PHACTR2: variants seen among roughly 807,000 people sequenced by gnomAD.
PHACTR2 encodes the protein phosphatase and actin regulator 2, also known as chromosome 6 open reading frame 56.
A neutral mutation model predicts 76.0 loss-of-function variants in PHACTR2; 30 were observed. The observed-to-expected ratio is 0.39, with a 90% CI of 0.30 to 0.54. The LOEUF (loss-of-function observed/expected upper bound fraction) is 0.54. PHACTR2 is among the 20% of genes least tolerant of loss of function. The pLI is 0.61. For missense variants in PHACTR2, 696 were observed against 781.1 expected (o/e 0.89, Z 1.30); for synonymous variants, 292 against 292.5 (o/e 1.00, Z 0.02).
chr6:143,553,509 G>C lies in PHACTR2; in HGVS notation c.217+16302G>C, dbSNP rs1246722446. On this transcript the variant is annotated intron_variant, in intron 1 of 11. Coordinates refer to the PHACTR2 transcript ENST00000367584. The surrounding 1 kb of genome is among the most constrained non-coding windows in gnomAD (Gnocchi z 4.2). Reference sequence around the variant, plus strand: ...GGCTCCCACCCTCCCACAGAGGCTGGAGACAGGAGCCCCATCTTCAGATGT... The same window carrying C: ...GGCTCCCACCCTCCCACAGAGGCTGCAGACAGGAGCCCCATCTTCAGATGT... Among the ~76,000 whole-genome samples, 1 of 152,204 alleles carries C rather than the reference G, an allele frequency of 6.6e-6. No homozygotes were observed. Among genetic ancestry groups the C allele is most frequent in the African/African-American group, 2.4e-5 (1 of 41,450 alleles).
intron 11 of PHACTR2, among the ~76,000 whole-genome samples, chr6:143,796,167 T>C (rs1221878203): frequency 6.6e-6 from 1 of 152,226 alleles, no homozygotes; most frequent in Non-Finnish European, 1.5e-5. Flanking sequence ...AAGCTATTCT[T>C]TGCCCTGTTC....
chr6:143,622,820 G>A (rs1776180400), intron 1 of PHACTR2, among the ~76,000 whole-genome samples: 1 of 152,104 alleles, frequency 6.6e-6, no homozygotes, highest in Admixed American at 6.5e-5. Context: ...GATAGAACAT[G>A]TAATAATTAC....
chr6:143,661,554 TTTTC>T (rs898086664), intron 1 of PHACTR2, among the ~76,000 whole-genome samples: 1 of 150,964 alleles, frequency 6.6e-6, no homozygotes, highest in South Asian at 2.1e-4. Flanking sequence ...TTTTCTAAAA[TTTTC>T]TTTCTTTTTT....
Position 143,733,362 on chromosome 6 carries a change from A to G in PHACTR2, c.215-15623A>G, listed in dbSNP as rs940831752. ...TGTTTTCTTCTTTGGTGAGATCTCA[A>G]AGAAACTTGTATAGTGCCTGGCTTA... On this transcript the variant is annotated intron_variant, in intron 2 of 12. Coordinates refer to ENST00000440869, the MANE Select transcript of PHACTR2 (RefSeq NM_001100164.2). This position sits in a 1 kb window ranked among gnomAD's most constrained non-coding sequence, Gnocchi z 4.0. Among the ~76,000 whole-genome samples, 1 of 152,220 alleles carries G rather than the reference A, an allele frequency of 6.6e-6. No homozygotes were observed. Among genetic ancestry groups the G allele is most frequent in the African/African-American group, 2.4e-5 (1 of 41,462 alleles).
rs1354210940 is a variant in PHACTR2, at chr6:143,602,801, A to G, written c.217+65594A>G. Among the ~76,000 whole-genome samples the G allele has an allele frequency of 6.6e-6, 1 of 152,208 alleles. No homozygotes were observed. The highest frequency in any genetic ancestry group is 2.4e-5 in the African/African-American group (1 of 41,444). ...CTTATGTAAGGTCCAGACACCAGGC[A>G]ATCTGGATGTGCAGAAAAGTTTCAC... On this transcript the variant is annotated intron_variant, in intron 1 of 11. Transcript: ENST00000367584. This position sits in a 1 kb window ranked among gnomAD's most constrained non-coding sequence, Gnocchi z 6.1.
At position 143,789,949 on chromosome 6, in the gene PHACTR2, A is replaced by C. The variant is rs1775639518; in HGVS notation, c.1845+1039A>C. Among the ~76,000 whole-genome samples the C allele has an allele frequency of 6.6e-6, 1 of 152,230 alleles. No homozygotes were observed. Among genetic ancestry groups the C allele is most frequent in the Non-Finnish European group, 1.5e-5 (1 of 68,042 alleles). On this transcript the variant is annotated intron_variant, in intron 11 of 12. Transcript: ENST00000440869. This position sits in a 1 kb window ranked among gnomAD's most constrained non-coding sequence, Gnocchi z 5.1. ...AGCACTCCAGGGATGTTTTAGGAAG[A>C]AGCAGCAGAAGAATATTGAGAAGAA...
rs1286793503 is a variant in PHACTR2 at position 143,623,009 on chromosome 6, T to G, written c.13+14687T>G. ...TAAAGAAGGCTCAGTCTAGTGACAT[T>G]GTTTATCCATTTGCTTTGAACTTTT... On this transcript the variant is annotated intron_variant, in intron 1 of 11. Coordinates refer to the PHACTR2 transcript ENST00000305766. The surrounding 1 kb of genome is among the most constrained non-coding windows in gnomAD (Gnocchi z 5.9). 6.6e-6 allele frequency among the ~76,000 whole-genome samples: 1 copy of G among 152,168 alleles called. No individual in the cohort carries two copies. Among genetic ancestry groups the G allele is most frequent in the Non-Finnish European group, 1.5e-5 (1 of 68,042 alleles).
At position 143,777,245 on chromosome 6, in the gene PHACTR2, A is replaced by G. The variant is rs1458788172; in HGVS notation, c.1590-83A>G. The G allele has an allele frequency of 7.2e-6, 5 of 690,366 alleles. No individual in the cohort carries two copies. The highest frequency in any genetic ancestry group is 1.2e-5 in the Non-Finnish European group (5 of 403,646). The allele number at this position is 690,366 out of a possible 1,614,324, so 42.8% of individuals were successfully genotyped here. A position where few individuals can be genotyped will look rare whatever the true frequency, so the allele number is the denominator to read the frequency against. On this transcript the variant is annotated intron_variant, in intron 8 of 12. Coordinates refer to ENST00000440869, the MANE Select transcript of PHACTR2 (RefSeq NM_001100164.2). The surrounding 1 kb of genome is among the most constrained non-coding windows in gnomAD (Gnocchi z 4.6). Reference sequence around the variant, plus strand: ...GATTTTTATTTCTCAAAACATGAAAAATAGAGCTTTGTTGTTTTATTCTGA... The same window carrying G: ...GATTTTTATTTCTCAAAACATGAAAGATAGAGCTTTGTTGTTTTATTCTGA...
Position 143,830,420 on chromosome 6 carries a change from T to C in PHACTR2, c.*6731T>C, listed in dbSNP as rs1004577757. The C allele has an allele frequency of 2.0e-4, 31 of 152,180 alleles. No homozygotes were observed. The highest frequency in any genetic ancestry group is 3.5e-4 in the Non-Finnish European group (24 of 68,024). 9.4% of individuals were successfully genotyped at this position (152,180 alleles called of 1,614,324 possible). On this transcript the variant is annotated 3_prime_UTR_variant, in exon 13 of 13. Transcript: ENST00000440869. Reference sequence around the variant, plus strand: ...TCAGACTGACTGAATGCTTTCTGATTTCCAGTGAGTGATCTAGTTCTACGT... The same window carrying C: ...TCAGACTGACTGAATGCTTTCTGATCTCCAGTGAGTGATCTAGTTCTACGT...
At position 143,556,284 on chromosome 6, in the gene PHACTR2, G is replaced by C. The variant is rs1052930259; in HGVS notation, c.217+19077G>C. 6.6e-6 allele frequency among the ~76,000 whole-genome samples: 1 copy of C among 152,178 alleles called. No homozygotes were observed. The highest frequency in any genetic ancestry group is 2.4e-5 in the African/African-American group (1 of 41,440). On this transcript the variant is annotated intron_variant, in intron 1 of 11. Transcript: ENST00000367584. The surrounding 1 kb of genome is among the most constrained non-coding windows in gnomAD (Gnocchi z 4.3). ...CATTTATTTATTTCAGGACATTAAG[G>C]TATGGACTTTAGGTGTGGGGCATCT...
chr6:143,540,722 C>CAGTTTTATA (rs1365053395), intron 1 of PHACTR2, among the ~76,000 whole-genome samples: 1 of 151,594 alleles, frequency 6.6e-6, no homozygotes, highest in East Asian at 1.9e-4. Flanking sequence ...AAACCCAAGC[C>CAGTTTTATA]AGTTTTATAT....
At chr6:143,587,814 G>A (rs1325937664) in intron 1 of PHACTR2, among the ~76,000 whole-genome samples, 1 of 152,004 alleles carries the variant, frequency 6.6e-6, no homozygotes, top group African/African-American at 2.4e-5. Flanking sequence ...AGGAGTTAGA[G>A]ACCAGCCTGA....
Position 143,738,755 on chromosome 6 carries a change from CAA to C in PHACTR2, c.215-10221_215-10220del, listed in dbSNP as rs201169525. 7.2e-6 allele frequency among the ~76,000 whole-genome samples: 1 copy of C among 139,678 alleles called. No individual in the cohort carries two copies. The allele number at this position is 139,678 out of a possible 152,430, so 91.6% of individuals were successfully genotyped here. A position where few individuals can be genotyped will look rare whatever the true frequency, so the allele number is the denominator to read the frequency against. On this transcript the variant is annotated intron_variant, in intron 2 of 12. Coordinates refer to ENST00000440869, the MANE Select transcript of PHACTR2 (RefSeq NM_001100164.2). This position sits in a 1 kb window ranked among gnomAD's most constrained non-coding sequence, Gnocchi z 4.0. Reference sequence around the variant, plus strand: ...TGGGTGATAGAGCAGGACCTTGTCTCAAAAAAAAAAGAAAGAAAGAAAGAAAG... The same window carrying C: ...TGGGTGATAGAGCAGGACCTTGTCTCAAAAAAAAGAAAGAAAGAAAGAAAG...
chr6:143,727,304 G>A (rs1167633440), intron 2 of PHACTR2, among the ~76,000 whole-genome samples: 1 of 151,068 alleles, frequency 6.6e-6, no homozygotes, highest in Non-Finnish European at 1.5e-5. Context: ...TTTTTTTATG[G>A]CCAAACAGCA....
chr6:143,698,793 TA>T lies in PHACTR2; in HGVS notation c.47-13221del, dbSNP rs1777831716. On this transcript the variant is annotated intron_variant, in intron 1 of 12. Transcript: ENST00000440869. This position sits in a 1 kb window ranked among gnomAD's most constrained non-coding sequence, Gnocchi z 4.3. ...GCTTACCATTGTAGCCCTTCCTCTA[TA>T]ATAGCTGCTCAGTTAATTGTGCATG... Among the ~76,000 whole-genome samples the T allele has an allele frequency of 6.6e-6, 1 of 152,240 alleles. No homozygotes were observed. The highest frequency in any genetic ancestry group is 2.1e-4 in the South Asian group (1 of 4,834).
At chr6:143,779,348 C>CTTT (rs985719804) in intron 9 of PHACTR2, among the ~76,000 whole-genome samples, 5 of 138,618 alleles carry the variant, frequency 3.6e-5, no homozygotes, top group Non-Finnish European at 6.3e-5. Flanking sequence ...ACTAGGTCAT[C>CTTT]TTTTTTTTTT....
At chr6:143,649,681 G>C (rs1346752211) in intron 1 of PHACTR2, among the ~76,000 whole-genome samples, 1 of 152,128 alleles carries the variant, frequency 6.6e-6, no homozygotes, top group African/African-American at 2.4e-5. Flanking sequence ...ACTAGGTATT[G>C]AAGGAACATA....
In PHACTR2 at chr6:143,776,600, T is replaced by G. The variant is rs1029376707; in HGVS notation, c.1590-728T>G. Among the ~76,000 whole-genome samples, 3 of 151,968 alleles carry G rather than the reference T, an allele frequency of 2.0e-5. No individual in the cohort carries two copies. Among genetic ancestry groups the G allele is most frequent in the African/African-American group, 7.2e-5 (3 of 41,380 alleles). ...AAGGAGACTGTGTAATGGGGGTCAGTGAGCAGCCTCAGCCATGATCTGTAG... is the reference window on the plus strand; with the variant it reads ...AAGGAGACTGTGTAATGGGGGTCAGGGAGCAGCCTCAGCCATGATCTGTAG... On this transcript the variant is annotated intron_variant, in intron 8 of 12. Coordinates refer to ENST00000440869, the MANE Select transcript of PHACTR2 (RefSeq NM_001100164.2). This position sits in a 1 kb window ranked among gnomAD's most constrained non-coding sequence, Gnocchi z 5.3.
At chr6:143,706,953 A>G (rs1562277055) in intron 1 of PHACTR2, among the ~76,000 whole-genome samples, 1 of 152,176 alleles carries the variant, frequency 6.6e-6, no homozygotes, top group African/African-American at 2.4e-5. Flanking sequence ...TAATGATAGC[A>G]TGTATCTTAA....
Sources: gnomAD v4.1 joint callset for allele counts (sites outside exome capture counted in the v4.1 genomes callset) on GRCh38, gnomAD v4.1.1 for gene constraint, Gnocchi (gnomAD v3.1) non-coding constraint, MANE v1.5 for transcripts, NCBI Gene and HGNC (gene_info 2026-07-23, HGNC 2026-07-21) for gene names.